The following TGFBR3L variants were observed in gnomAD, a reference collection of about 807,000 sequenced individuals.
The protein encoded by TGFBR3L is transforming growth factor beta receptor 3 like.
Under a neutral mutation model 20.4 loss-of-function variants are expected in TGFBR3L, and 21 were observed. That is an observed-to-expected ratio of 1.03 (90% CI 0.73 to 1.48). TGFBR3L has a LOEUF of 1.48. Ranked by LOEUF, TGFBR3L falls within the 40% of genes most tolerant of loss-of-function variation. TGFBR3L has a pLI of 0.00. For synonymous variants in TGFBR3L, 245 were observed against 244.2 expected (o/e 1.00, Z -0.03); for missense variants, 479 against 498.0 (o/e 0.96, Z 0.36).
rs1599635754 is a variant in TGFBR3L at position 7,916,003 on chromosome 19, C to G, written c.-265C>G. On this transcript the variant is annotated 5_prime_UTR_variant, in exon 1 of 6. Coordinates refer to ENST00000565886, the MANE Select transcript of TGFBR3L (RefSeq NM_001195259.2). ...CCTCGTTGGTGACAGCACCTATCTC[C>G]CCTTAGAAAGGGGAGCCGCCTGTCC... 3 of 558,788 alleles carry G rather than the reference C, an allele frequency of 5.4e-6. No homozygotes were observed. Among genetic ancestry groups the G allele is most frequent in the African/African-American group, 3.9e-5 (2 of 51,650 alleles). The allele number at this position is 558,788 out of a possible 1,614,324, so 34.6% of individuals were successfully genotyped here.
chr19:7,919,036 T>G lies in TGFBR3L; in HGVS notation c.*125T>G. On this transcript the variant is annotated 3_prime_UTR_variant, in exon 6 of 6. Transcript: ENST00000565886. ...CCTGATGAGGCCACGACCCCTGCGC[T>G]TCTCTCCTCCCCCTGTCCCTCCCAC... 2.5e-6 allele frequency: 1 copy of G among 398,822 alleles called. No individual in the cohort carries two copies. Among genetic ancestry groups the G allele is most frequent in the Non-Finnish European group, 4.4e-6 (1 of 226,210 alleles). The allele number at this position is 398,822 out of a possible 1,614,324, so 24.7% of individuals were successfully genotyped here. A position where few individuals can be genotyped will look rare whatever the true frequency, so the allele number is the denominator to read the frequency against.
Position 7,915,620 on chromosome 19 carries a change from C to T in TGFBR3L, c.-648C>T, listed in dbSNP as rs1424879879. ...GGCCGTGGTAGCGAGTGGCTGTGGT[C>T]ATAGCTACTCGAGAGGCTGAAGCAG... is the stretch of plus-strand genomic sequence containing the variant. On this transcript the variant is annotated 5_prime_UTR_variant, in exon 1 of 6. Transcript: ENST00000565886. 6.6e-6 allele frequency among the ~76,000 whole-genome samples: 1 copy of T among 152,192 alleles called. No individual in the cohort carries two copies. The highest frequency in any genetic ancestry group is 2.4e-5 in the African/African-American group (1 of 41,438).
chr19:7,916,103 T>C lies in TGFBR3L; in HGVS notation c.-165T>C. ...CACCCAGCCGGACCCCACCATCGGG[T>C]GCTCCTCACCGCTTCTCTTCCGCCC... On this transcript the variant is annotated 5_prime_UTR_variant, in exon 1 of 6. Transcript: ENST00000565886. The C allele has an allele frequency of 7.3e-6, 10 of 1,361,588 alleles. No individual in the cohort carries two copies. Among genetic ancestry groups the C allele is most frequent in the Non-Finnish European group, 9.7e-6 (10 of 1,035,834 alleles). The allele number at this position is 1,361,588 out of a possible 1,614,324, so 84.3% of individuals were successfully genotyped here.
Position 7,915,195 on chromosome 19 carries a change from G to A in TGFBR3L, c.-1073G>A, listed in dbSNP as rs1330731860. Among the ~76,000 whole-genome samples the A allele has an allele frequency of 3.9e-5, 6 of 152,186 alleles. No homozygotes were observed. Among genetic ancestry groups the A allele is most frequent in the South Asian group, 2.1e-4 (1 of 4,830 alleles). Reference sequence around the variant, plus strand: ...TCCCCATGTTGGCCAGGCTGGTCTCGAACTCCTGACCTCAGGCGATCCGCC... The same window carrying A: ...TCCCCATGTTGGCCAGGCTGGTCTCAAACTCCTGACCTCAGGCGATCCGCC... On this transcript the variant is annotated 5_prime_UTR_variant, in exon 1 of 6. Transcript: ENST00000565886.
At chr19:7,918,887 C>A (rs1983447945) in intron 5 of TGFBR3L, 30 bp from the exon 7 acceptor site, 1 of 398,498 alleles carries the variant, frequency 2.5e-6, no homozygotes, top group Non-Finnish European at 4.4e-6. Flanking sequence ...AGCGTCCCCT[C>A]CCTCGCTGAG....
At chr19:7,917,408 GGGACCA>G in intron 2 of TGFBR3L, 59 bp from the exon 4 acceptor site, 1 of 1,489,720 alleles carries the variant, frequency 6.7e-7, no homozygotes, top group Non-Finnish European at 8.9e-7. Context: ...GGGGGCCCTG[GGGACCA>G]GAGCCACGAT....
chr19:7,916,767 C>G lies in TGFBR3L; in HGVS notation c.422C>G (p.Pro141Arg), dbSNP rs548216551. ...GACACCTCTGTCGCCTTCCCGCCACCGCCGCCGCCGAGCCCGGGTGCCGCC... is the reference window on the plus strand; with the variant it reads ...GACACCTCTGTCGCCTTCCCGCCACGGCCGCCGCCGAGCCCGGGTGCCGCC... Residue 141 changes from proline to arginine, a missense_variant, in exon 2 of 6, where the codon CCG becomes CGG. Pro to Arg is a moderately radical substitution (Grantham distance 103, BLOSUM62 -2). Transcript: ENST00000565886. 7.4e-6 allele frequency: 11 copies of G among 1,488,942 alleles called. No individual in the cohort carries two copies. In the South Asian group the frequency reaches 1.4e-4, roughly 19 times the overall value. The allele number at this position is 1,488,942 out of a possible 1,614,324, so 92.2% of individuals were successfully genotyped here. A position where few individuals can be genotyped will look rare whatever the true frequency, so the allele number is the denominator to read the frequency against.
At position 7,917,468 on chromosome 19, in the gene TGFBR3L, C is replaced by G; in HGVS notation, c.598-5C>G. 1 of 1,524,206 alleles carries G rather than the reference C, an allele frequency of 6.6e-7. No individual in the cohort carries two copies. The allele number at this position is 1,524,206 out of a possible 1,614,324, so 94.4% of individuals were successfully genotyped here. ...CCGTCTCTTCCCCACCTTCCTCTCC[C>G]CCAGTGTCTGCCTCAGGACGAGGCG... is the stretch of plus-strand genomic sequence containing the variant. On this transcript the variant is annotated splice_polypyrimidine_tract_variant and splice_region_variant and intron_variant, in intron 2 of 5. Transcript: ENST00000565886.
At chr19:7,918,728 C>T (rs1443682472) in intron 5 of TGFBR3L, 189 bp from the exon 7 acceptor site, 4 of 395,534 alleles carry the variant, frequency 1.0e-5, no homozygotes, top group East Asian at 3.6e-5. Flanking sequence ...CCGCGGCAGG[C>T]GCGGGCTTTG....
At position 7,916,247 on chromosome 19, in the gene TGFBR3L, G is replaced by A. The variant is rs993652630; in HGVS notation, c.-21G>A. On this transcript the variant is annotated 5_prime_UTR_variant, in exon 1 of 6. Coordinates refer to ENST00000565886, the MANE Select transcript of TGFBR3L (RefSeq NM_001195259.2). The stretch of plus-strand genomic sequence containing the variant: ...CAGGGGGCACATCACCGTCAGGGGG[G>A]AAAGTGGCGCGGAGCCCATCATGGG... 8 of 1,529,032 alleles carry A rather than the reference G, an allele frequency of 5.2e-6. No individual in the cohort carries two copies. In the East Asian group the frequency reaches 9.8e-5, roughly 19 times the overall value. The allele number at this position is 1,529,032 out of a possible 1,614,324, so 94.7% of individuals were successfully genotyped here.
chr19:7,918,703 C>T (rs141669073), intron 5 of TGFBR3L: 107 of 393,544 alleles, frequency 2.7e-4, no homozygotes, highest in African/African-American at 1.9e-3. Context: ...GATTCGAACT[C>T]AGGCAGTGGG....
chr19:7,917,428 G>A, intron 2 of TGFBR3L, 45 bp from the exon 4 acceptor site: 3 of 1,510,732 alleles, frequency 2.0e-6, no homozygotes, highest in Non-Finnish European at 2.6e-6. Context: ...CCACGATCCC[G>A]GTGCCCTGAT....
Position 7,916,845 on chromosome 19 carries a change from A to G in TGFBR3L, c.500A>G (p.Gln167Arg). 6.8e-7 allele frequency: 1 copy of G among 1,463,050 alleles called. No individual in the cohort carries two copies. Among genetic ancestry groups the G allele is most frequent in the Non-Finnish European group, 9.0e-7 (1 of 1,110,886 alleles). The allele number at this position is 1,463,050 out of a possible 1,614,324, so 90.6% of individuals were successfully genotyped here. A position where few individuals can be genotyped will look rare whatever the true frequency, so the allele number is the denominator to read the frequency against. ...CGCCCGGTCTTCAACGCCTCGGTGC[A>G]GTTCCTGCACTGCCAGCTGAGCCGC... Residue 167 changes from glutamine to arginine, a missense_variant, in exon 2 of 6, where the codon CAG becomes CGG. Physicochemically the swap from Gln to Arg is conservative, Grantham distance 43. Transcript: ENST00000565886.
At chr19:7,917,432 C>T (rs1351780346) in intron 2 of TGFBR3L, 41 bp from the exon 4 acceptor site, 26 of 1,514,410 alleles carry the variant, frequency 1.7e-5, no homozygotes, top group Non-Finnish European at 2.3e-5. Flanking sequence ...GATCCCGGTG[C>T]CCTGATGTCC....
Position 7,917,510 on chromosome 19 carries a change from G to A in TGFBR3L, c.635G>A (p.Ser212Asn). 1 of 1,525,582 alleles carries A rather than the reference G, an allele frequency of 6.6e-7. No individual in the cohort carries two copies. Among genetic ancestry groups the A allele is most frequent in the Non-Finnish European group, 8.8e-7 (1 of 1,142,716 alleles). The allele number at this position is 1,525,582 out of a possible 1,614,324, so 94.5% of individuals were successfully genotyped here. ...GACGAGGCGTGCGCCGACACTGGCA[G>A]TGGCAGCGCCGAGGGCCTGGCTGCT... The change falls in exon 3 of 6, where the codon AGT becomes AAT. Residue 212 changes from serine to asparagine, a missense_variant. Ser to Asn is a conservative substitution (Grantham distance 46). Transcript: ENST00000565886.
Position 7,915,527 on chromosome 19 carries a change from A to G in TGFBR3L, c.-741A>G, listed in dbSNP as rs1258977248. ...TGCCTGTAATCCCAGCACTTAAGAG[A>G]GGCTGAGGTGAGAGGATCGCTTGAA... is the stretch of plus-strand genomic sequence containing the variant. On this transcript the variant is annotated 5_prime_UTR_variant, in exon 1 of 6. Transcript: ENST00000565886. Among the ~76,000 whole-genome samples the G allele has an allele frequency of 1.3e-5, 2 of 152,108 alleles. No individual in the cohort carries two copies. Among genetic ancestry groups the G allele is most frequent in the Non-Finnish European group, 2.9e-5 (2 of 68,018 alleles).
chr19:7,917,513 G>A lies in TGFBR3L; in HGVS notation c.638G>A (p.Gly213Asp), dbSNP rs1599637345. Residue 213 changes from glycine to aspartate, a missense_variant, in exon 3 of 6, where the codon GGC becomes GAC. Coordinates refer to ENST00000565886, the MANE Select transcript of TGFBR3L (RefSeq NM_001195259.2). ...GAGGCGTGCGCCGACACTGGCAGTG[G>A]CAGCGCCGAGGGCCTGGCTGCTGAC... 3 of 1,525,122 alleles carry A rather than the reference G, an allele frequency of 2.0e-6. No individual in the cohort carries two copies. Among genetic ancestry groups the A allele is most frequent in the Middle Eastern group, 1.7e-4 (1 of 5,968 alleles). 94.5% of individuals were successfully genotyped at this position (1,525,122 alleles called of 1,614,324 possible).
intron 4 of TGFBR3L, 32 bp downstream of exon 5, chr19:7,917,891 A>C: frequency 7.3e-7 from 1 of 1,369,464 alleles, no homozygotes; most frequent in Non-Finnish European, 9.4e-7. Flanking sequence ...CCGGGCCCCC[A>C]GTCTAATCCC....
chr19:7,917,569 A>G lies in TGFBR3L; in HGVS notation c.694A>G (p.Ile232Val), dbSNP rs1983367734. The G allele has an allele frequency of 1.1e-5, 17 of 1,500,098 alleles. No individual in the cohort carries two copies. Among genetic ancestry groups the G allele is most frequent in the Non-Finnish European group, 1.4e-5 (16 of 1,128,286 alleles). 92.9% of individuals were successfully genotyped at this position (1,500,098 alleles called of 1,614,324 possible). A position where few individuals can be genotyped will look rare whatever the true frequency, so the allele number is the denominator to read the frequency against. Reference sequence around the variant, plus strand: ...CCACCTGCACACGCTGACGCAGCCTATCGTGGTCACCGTGCCGCGGCCGCC... The same window carrying G: ...CCACCTGCACACGCTGACGCAGCCTGTCGTGGTCACCGTGCCGCGGCCGCC... Residue 232 changes from isoleucine (I) to valine (V), a missense_variant, in exon 3 of 6, where the codon ATC becomes GTC. Transcript: ENST00000565886.
Sources: allele counts gnomAD v4.1 joint callset (sites outside exome capture counted in the v4.1 genomes callset), GRCh38; gene constraint gnomAD v4.1.1; transcripts MANE v1.5; gene names NCBI Gene and HGNC (gene_info 2026-07-23, HGNC 2026-07-21).